KRT79: variants seen among roughly 807,000 people sequenced by gnomAD.
The protein encoded by KRT79 is keratin 79, also known as keratin, type II cytoskeletal 79.
KRT79 carries 51 observed loss-of-function variants against 49.0 expected under a neutral mutation model. The ratio of observed to expected loss-of-function variants is 1.04; its 90% confidence interval spans 0.83 to 1.31. The LOEUF (loss-of-function observed/expected upper bound fraction) is 1.31. Among genes scored for constraint, KRT79 ranks in the 40% most tolerant of loss-of-function variants. KRT79 has a pLI of 0.00. For synonymous variants in KRT79, 312 were observed against 286.6 expected (o/e 1.09, Z -0.90); for missense variants, 728 against 688.0 (o/e 1.06, Z -0.65).
rs1390469379 is a variant in KRT79 at position 52,823,993 on chromosome 12, G to A, written c.1040C>T (p.Thr347Ile). ...CAGGTTGTCCCCATGCTTCCCAGCAGTCACCTGCAGCTCCTCATACTGGGG... is the reference window on the plus strand; with the variant it reads ...CAGGTTGTCCCCATGCTTCCCAGCAATCACCTGCAGCTCCTCATACTGGGG... ...YQTKYEELQV[T>I]AGKHGDNLRD... Residue 347 changes from threonine to isoleucine, a missense_variant, in exon 6 of 9, where the codon ACT (threonine) becomes ATT (isoleucine). Physicochemically the swap from Thr to Ile is moderately conservative, Grantham distance 89. Coordinates refer to ENST00000330553, the MANE Select transcript of KRT79 (RefSeq NM_175834.3). The A allele has an allele frequency of 5.0e-6, 8 of 1,614,056 alleles. No individual in the cohort carries two copies. Among genetic ancestry groups the A allele is most frequent in the Non-Finnish European group, 6.8e-6 (8 of 1,180,040 alleles).
At position 52,831,550 on chromosome 12, in the gene KRT79, C is replaced by T; in HGVS notation, c.554G>A (p.Gly185Asp). Residue 185 changes from glycine (G) to aspartate (D), a missense_variant, in exon 2 of 9, where the codon GGT becomes GAT. Transcript: ENST00000330553. Reference sequence around the variant, plus strand: ...GGGCTCCAGGTTGTTCCTGGTGACACCCAAGTTCTGGCCCTGCTCCTGCAG... The same window carrying T: ...GGGCTCCAGGTTGTTCCTGGTGACATCCAAGTTCTGGCCCTGCTCCTGCAG... ...ALLQEQGQNL[G>D]VTRNNLEPLF... is the part of the protein sequence containing the mutation. The T allele has an allele frequency of 6.2e-7, 1 of 1,614,256 alleles. No individual in the cohort carries two copies. Among genetic ancestry groups the T allele is most frequent in the Non-Finnish European group, 8.5e-7 (1 of 1,180,038 alleles).
At chr12:52,822,518 T>C in intron 7 of KRT79, 139 bp from the exon 8 acceptor site, 1 of 661,504 alleles carries the variant, frequency 1.5e-6, no homozygotes, top group Admixed American at 2.9e-5. Context: ...GAAGTATGTG[T>C]ATAGGGCTGT....
Position 52,822,040 on chromosome 12 carries a change from G to C in KRT79, c.1440C>G (p.Gly480=), listed in dbSNP as rs748043422. Residue 480 remains glycine, a synonymous_variant, in exon 9 of 9, where the codon GGC becomes GGG. Coordinates refer to ENST00000330553, the MANE Select transcript of KRT79 (RefSeq NM_175834.3). The part of the protein sequence containing the change: ...TGNSTTVCGG[G]AASFGGGISL... ...AGATGCCACCTCCAAAGCTGGCTGC[G>C]CCACCTCCGCACACAGTGGTGGAGT... 6 of 1,613,988 alleles carry C rather than the reference G, an allele frequency of 3.7e-6. No individual in the cohort carries two copies. Among genetic ancestry groups the C allele is most frequent in the Non-Finnish European group, 5.1e-6 (6 of 1,180,048 alleles).
At chr12:52,829,768 G>T (rs550597258) in intron 4 of KRT79, among the ~76,000 whole-genome samples, 34 of 152,288 alleles carry the variant, frequency 2.2e-4, no homozygotes, top group Admixed American at 1.2e-3. Context: ...GGGCATGGTG[G>T]CAGGCACCTG....
chr12:52,832,301 G>T (rs1300123642), intron 1 of KRT79, among the ~76,000 whole-genome samples: 1 of 152,086 alleles, frequency 6.6e-6, no homozygotes, highest in Non-Finnish European at 1.5e-5. Flanking sequence ...GAAAATTGGT[G>T]AACTGGGTGA....
intron 4 of KRT79, among the ~76,000 whole-genome samples, chr12:52,829,820 T>C (rs994424173): frequency 1.3e-5 from 2 of 152,096 alleles, no homozygotes; most frequent in Non-Finnish European, 2.9e-5. Context: ...AGAATCGCTT[T>C]GCAGAGGTTG....
intron 2 of KRT79, among the ~76,000 whole-genome samples, chr12:52,831,096 A>G (rs1176839877): frequency 2.0e-5 from 3 of 152,256 alleles, no homozygotes; most frequent in South Asian, 2.1e-4. Flanking sequence ...CTACACGGGA[A>G]GAAGGGAAGT....
Position 52,825,611 on chromosome 12 carries a change from A to C in KRT79, c.856-1249T>G, listed in dbSNP as rs548119929. Among the ~76,000 whole-genome samples the C allele has an allele frequency of 3.5e-4, 54 of 152,342 alleles. No individual in the cohort carries two copies. The South Asian group carries it at 6.0e-3, about 17-fold the overall frequency. On this transcript the variant is annotated intron_variant, in intron 4 of 8. Coordinates refer to ENST00000330553, the MANE Select transcript of KRT79 (RefSeq NM_175834.3). ...AGGAACAAAGAGAGACAGGGGGAAA[A>C]GAGAAATACCAAAGGCAAAACTGAT...
intron 8 of KRT79, 62 bp from the exon 9 acceptor site, chr12:52,822,139 C>G: frequency 6.5e-7 from 1 of 1,543,504 alleles, no homozygotes; most frequent in Non-Finnish European, 8.9e-7. Context: ...GGGGGAGACC[C>G]AGAAATCAGT....
At chr12:52,831,692 T>C in intron 1 of KRT79, 66 bp from the exon 2 acceptor site, 1 of 1,333,162 alleles carries the variant, frequency 7.5e-7, no homozygotes, top group Non-Finnish European at 1.1e-6. Flanking sequence ...AAGGATGGGG[T>C]CCATTGCCAC....
intron 6 of KRT79, 59 bp from the exon 7 acceptor site, chr12:52,823,295 G>A: frequency 7.2e-7 from 1 of 1,393,498 alleles, no homozygotes; most frequent in Non-Finnish European, 1.0e-6. Context: ...TCATCTCTCT[G>A]CCCTCAAGCC....
intron 4 of KRT79, among the ~76,000 whole-genome samples, chr12:52,824,838 A>T (rs1191990503): frequency 6.6e-6 from 1 of 152,206 alleles, no homozygotes; most frequent in Admixed American, 6.5e-5. Flanking sequence ...CTGACCATGG[A>T]CAAGTGAGGA....
At position 52,834,044 on chromosome 12, in the gene KRT79, C is replaced by T; in HGVS notation, c.217G>A (p.Val73Ile). The change falls in exon 1 of 9, where the codon GTC becomes ATC. Residue 73 changes from valine to isoleucine, a missense_variant. By Grantham distance (29) the Val-to-Ile change is conservative. Transcript: ENST00000330553. ...YNLGGHKSIS[V>I]SVAGGALLGR... ...AACAAGGCCCCTCCGGCCACACTGACAGAGATACTCTTGTGGCCCCCCAAG... is the reference window on the plus strand; with the variant it reads ...AACAAGGCCCCTCCGGCCACACTGATAGAGATACTCTTGTGGCCCCCCAAG... 1 of 1,613,532 alleles carries T rather than the reference C, an allele frequency of 6.2e-7. No homozygotes were observed. The highest frequency in any genetic ancestry group is 1.1e-5 in the South Asian group (1 of 91,040).
intron 6 of KRT79, 125 bp downstream of exon 6, chr12:52,823,762 G>A (rs532086204): frequency 5.2e-6 from 6 of 1,153,242 alleles, no homozygotes; most frequent in East Asian, 4.9e-5. Flanking sequence ...AAAGGAGCCT[G>A]TGATCAATGG....
chr12:52,832,564 C>A (rs1476756125), intron 1 of KRT79, among the ~76,000 whole-genome samples: 1 of 151,858 alleles, frequency 6.6e-6, no homozygotes, highest in Admixed American at 6.6e-5. Context: ...GCTTGTTTGG[C>A]CTCTGGGACA....
At chr12:52,822,890 C>A in intron 7 of KRT79, 126 bp downstream of exon 7, 1 of 880,558 alleles carries the variant, frequency 1.1e-6, no homozygotes, top group Non-Finnish European at 1.7e-6. Flanking sequence ...GATTTTCCCC[C>A]CGCGTGAGTC....
intron 5 of KRT79, 64 bp from the exon 6 acceptor site, chr12:52,824,076 C>A (rs751602692): frequency 6.2e-7 from 1 of 1,612,988 alleles, no homozygotes; most frequent in Admixed American, 1.7e-5. Context: ...CAGCTGGAGG[C>A]CCCATGCAAG....
Position 52,821,824 on chromosome 12 carries a change from T to C in KRT79, c.*48A>G. 2 of 1,537,456 alleles carry C rather than the reference T, an allele frequency of 1.3e-6. No individual in the cohort carries two copies. The highest frequency in any genetic ancestry group is 1.8e-6 in the Non-Finnish European group (2 of 1,119,586). ...ACTGGAAAGGACAGCAGAGGTGGGG[T>C]GAGGAGGGCAGGGACAGGATTGCAG... On this transcript the variant is annotated 3_prime_UTR_variant, in exon 9 of 9. Transcript: ENST00000330553.
intron 7 of KRT79, 51 bp downstream of exon 7, chr12:52,822,965 C>T (rs911283519): frequency 3.2e-6 from 5 of 1,580,084 alleles, no homozygotes; most frequent in South Asian, 1.1e-5. Context: ...TGGGCTCTCC[C>T]CCAGGGCAGG....
Sources: allele counts gnomAD v4.1 joint callset (sites outside exome capture counted in the v4.1 genomes callset), GRCh38; gene constraint gnomAD v4.1.1; transcripts MANE v1.5; gene names NCBI Gene and HGNC (gene_info 2026-07-23, HGNC 2026-07-21).